Variants in DAGLA observed in about 807,000 individuals in gnomAD.
The protein encoded by DAGLA is diacylglycerol lipase-alpha.
A neutral mutation model predicts 102.6 loss-of-function variants in DAGLA; 22 were observed. That is an observed-to-expected ratio of 0.21 (90% CI 0.15 to 0.31). DAGLA has a LOEUF of 0.31. DAGLA is among the 10% of genes least tolerant of loss of function. The pLI is 1.00. For synonymous variants in DAGLA, 578 were observed against 628.9 expected, an observed-to-expected ratio of 0.92 and a Z score of 1.21; for missense variants, 927 against 1,446.6, an observed-to-expected ratio of 0.64 and a Z score of 5.83.
Position 61,737,697 on chromosome 11 carries a change from A to G in DAGLA, c.1525A>G (p.Met509Val). The G allele has an allele frequency of 6.2e-7, 1 of 1,613,920 alleles. No individual in the cohort carries two copies. Among genetic ancestry groups the G allele is most frequent in the Non-Finnish European group, 8.5e-7 (1 of 1,179,904 alleles). Residue 509 changes from methionine to valine, a missense_variant, in exon 15 of 20, where the codon ATG becomes GTG. Met to Val is a conservative substitution (Grantham distance 21). Around this residue, in one of 4 missense-constraint regions of DAGLA, gnomAD observed 218 missense variants for 459.6 expected, o/e 0.47. Transcript: ENST00000257215. ...PPGGLLSEDA[M>V]EYSKEFVTAV... ...CGGCTTCCCTTGCAGTGAGGATGCG[A>G]TGGAGTATTCCAAGGAGTTCGTGAC...
At chr11:61,729,975 A>AG (rs960665823) in intron 8 of DAGLA, among the ~76,000 whole-genome samples, 1 of 151,290 alleles carries the variant, frequency 6.6e-6, no homozygotes, top group African/African-American at 2.4e-5. Flanking sequence ...TGGGAGGCTG[A>AG]GGTAGGAGGA....
chr11:61,708,615 C>T (rs1054277327), intron 1 of DAGLA, among the ~76,000 whole-genome samples: 3 of 150,994 alleles, frequency 2.0e-5, no homozygotes, highest in Admixed American at 2.0e-4. Flanking sequence ...GATCTCCTGA[C>T]GTCGTGATCC....
chr11:61,728,138 T>A lies in DAGLA; in HGVS notation c.637-15T>A. Reference sequence around the variant, plus strand: ...GCTCCCCTGCCACTGCCTCCTGCCTTCCTGGACCTCGTAGGATGCCTACTC... The same window carrying A: ...GCTCCCCTGCCACTGCCTCCTGCCTACCTGGACCTCGTAGGATGCCTACTC... On this transcript the variant is annotated splice_polypyrimidine_tract_variant and intron_variant, in intron 6 of 19. Transcript: ENST00000257215. 6.2e-7 allele frequency: 1 copy of A among 1,613,742 alleles called. No homozygotes were observed.
At chr11:61,702,720 G>A (rs977653341) in intron 1 of DAGLA, among the ~76,000 whole-genome samples, 18 of 152,192 alleles carry the variant, frequency 1.2e-4, no homozygotes, top group Admixed American at 3.3e-4. Flanking sequence ...CTGGAGGTGC[G>A]CCCTCCCTCC....
chr11:61,737,606 G>A, intron 14 of DAGLA, 81 bp from the exon 15 acceptor site: 1 of 1,364,960 alleles, frequency 7.3e-7, no homozygotes, highest in Non-Finnish European at 1.0e-6. Context: ...AGCAGGGCTT[G>A]CTTGTGGCTG....
intron 1 of DAGLA, among the ~76,000 whole-genome samples, chr11:61,709,854 T>C (rs1216020865): frequency 2.0e-5 from 3 of 152,002 alleles, no homozygotes; most frequent in Non-Finnish European, 4.4e-5. Context: ...GGAAACCCAA[T>C]AGCCCAGTTG....
intron 1 of DAGLA, among the ~76,000 whole-genome samples, chr11:61,689,705 C>T (rs1435791233): frequency 2.0e-5 from 3 of 152,132 alleles, no homozygotes; most frequent in East Asian, 1.9e-4. Context: ...AGGGTTTCAC[C>T]GTGTTAGCCA....
In DAGLA at chr11:61,744,152, A is replaced by G. The variant is rs2065513215; in HGVS notation, c.2792A>G (p.Gln931Arg). ...FNLDSKSSSF[Q>R]DLYCMVVPES... ...CTGGACAGCAAGAGCAGCTCCTTCC[A>G]AGACCTCTACTGCATGGTGGTGCCC... Residue 931 changes from glutamine to arginine, a missense_variant, in exon 20 of 20, where the codon CAA (glutamine) becomes CGA (arginine). By Grantham distance (43) the Gln-to-Arg change is conservative (BLOSUM62 1). Coordinates refer to ENST00000257215, the MANE Select transcript of DAGLA (RefSeq NM_006133.3). 1 of 1,613,018 alleles carries G rather than the reference A, an allele frequency of 6.2e-7. No individual in the cohort carries two copies.
intron 18 of DAGLA, 128 bp downstream of exon 18, chr11:61,740,720 G>T: frequency 7.8e-7 from 1 of 1,274,964 alleles, no homozygotes; most frequent in Non-Finnish European, 1.1e-6. Context: ...GAAGTAGGTA[G>T]CTGGGCCAGA....
Position 61,734,558 on chromosome 11 carries a change from C to T in DAGLA, c.975-291C>T, listed in dbSNP as rs776664146. Among the ~76,000 whole-genome samples the T allele has an allele frequency of 3.9e-5, 6 of 152,082 alleles. No individual in the cohort carries two copies. The highest frequency in any genetic ancestry group is 2.1e-4 in the South Asian group (1 of 4,822). ...CCCAGGGCTTCAGTGTTGGGTGCAT[C>T]GCTGAGTAGGCCCTGCCCGGAGGGG... is the stretch of plus-strand genomic sequence containing the variant. On this transcript the variant is annotated intron_variant, in intron 9 of 19. Coordinates refer to ENST00000257215, the MANE Select transcript of DAGLA (RefSeq NM_006133.3). This position sits in a 1 kb window ranked among gnomAD's most constrained non-coding sequence, Gnocchi z 4.2.
rs117022401 is a variant in DAGLA, at chr11:61,725,148, C to G, written c.549-847C>G. ...GGCTTTTAAGGGGCCGCACATGGCACAAAAGCAAGCTAGCCCCTTCTTGCT... is the reference window on the plus strand; with the variant it reads ...GGCTTTTAAGGGGCCGCACATGGCAGAAAAGCAAGCTAGCCCCTTCTTGCT... On this transcript the variant is annotated intron_variant, in intron 5 of 19. Coordinates refer to ENST00000257215, the MANE Select transcript of DAGLA (RefSeq NM_006133.3). Among the ~76,000 whole-genome samples, 512 of 152,290 alleles carry G rather than the reference C, an allele frequency of 3.4e-3. 4 individuals carry two copies. The highest frequency in any genetic ancestry group is 4.9e-3 in the Non-Finnish European group (331 of 68,020).
At position 61,728,943 on chromosome 11, in the gene DAGLA, A is replaced by T. The variant is rs1350245486; in HGVS notation, c.784A>T (p.Ile262Phe). Residue 262 changes from isoleucine (I) to phenylalanine (F), a missense_variant, in exon 8 of 20, where the codon ATC becomes TTC. Physicochemically the swap from Ile to Phe is conservative, Grantham distance 21. Coordinates refer to ENST00000257215, the MANE Select transcript of DAGLA (RefSeq NM_006133.3). ...NAVLDEANND[I>F]LAFLSGMPVT... ...GCCGGTCTTACAGGCAAACAATGAC[A>T]TCTTGGCCTTCCTGTCTGGGATGCC... 1.2e-6 allele frequency: 2 copies of T among 1,614,166 alleles called. No individual in the cohort carries two copies. The highest frequency in any genetic ancestry group is 3.3e-5 in the Admixed American group (2 of 60,028).
Position 61,726,052 on chromosome 11 carries a change from C to A in DAGLA, c.606C>A (p.Leu202=). Residue 202 remains leucine (L), a synonymous_variant, in exon 6 of 20, where the codon CTC becomes CTA. Transcript: ENST00000257215. The part of the protein sequence containing the change: ...TSWSRRLKVF[L]CCTRTKDSQS... Reference sequence around the variant, plus strand: ...GGTCGCGCCGGCTCAAAGTGTTCCTCTGCTGCACGCGGACGAAGGACTCCC... The same window carrying A: ...GGTCGCGCCGGCTCAAAGTGTTCCTATGCTGCACGCGGACGAAGGACTCCC... The A allele has an allele frequency of 1.9e-6, 3 of 1,613,188 alleles. No individual in the cohort carries two copies. The highest frequency in any genetic ancestry group is 2.5e-6 in the Non-Finnish European group (3 of 1,180,038).
intron 1 of DAGLA, among the ~76,000 whole-genome samples, chr11:61,698,609 G>T (rs2065085276): frequency 6.6e-6 from 1 of 152,174 alleles, no homozygotes; most frequent in African/African-American, 2.4e-5. Flanking sequence ...CTCTTACCCT[G>T]CTTCCCACAT....
intron 1 of DAGLA, among the ~76,000 whole-genome samples, chr11:61,704,452 C>G (rs555947941): frequency 2.0e-5 from 3 of 152,124 alleles, no homozygotes; most frequent in Non-Finnish European, 2.9e-5. Flanking sequence ...CCAGCTCTTA[C>G]GCAGAAAGGC....
rs2065408968 is a variant in DAGLA at position 61,734,787 on chromosome 11, C to CAGG, written c.975-59_975-57dup. On this transcript the variant is annotated intron_variant, in intron 9 of 19. Transcript: ENST00000257215. This position sits in a 1 kb window ranked among gnomAD's most constrained non-coding sequence, Gnocchi z 4.2. ...CTGGAACTGGTTCCAGGGACAGTGG[C>CAGG]AGGAGACATTTGTTCCCTCGGGGAC... 1.3e-6 allele frequency: 2 copies of CAGG among 1,508,994 alleles called. No homozygotes were observed. The highest frequency in any genetic ancestry group is 1.8e-6 in the Non-Finnish European group (2 of 1,100,914). The allele number at this position is 1,508,994 out of a possible 1,614,324, so 93.5% of individuals were successfully genotyped here. A position where few individuals can be genotyped will look rare whatever the true frequency, so the allele number is the denominator to read the frequency against.
intron 1 of DAGLA, among the ~76,000 whole-genome samples, chr11:61,700,773 A>G (rs933752965): frequency 6.6e-6 from 1 of 152,118 alleles, no homozygotes; most frequent in Non-Finnish European, 1.5e-5. Context: ...GAGCTGGCCC[A>G]GCATACCCAC....
rs1565257679 is a variant in DAGLA at position 61,722,945 on chromosome 11, A to G, written c.394A>G (p.Lys132Glu). The G allele has an allele frequency of 6.2e-7, 1 of 1,613,874 alleles. No individual in the cohort carries two copies. The highest frequency in any genetic ancestry group is 8.5e-7 in the Non-Finnish European group (1 of 1,179,880). The change falls in exon 4 of 20, where the codon AAG becomes GAG. Residue 132 changes from lysine (K) to glutamate (E), a missense_variant. Physicochemically the swap from Lys to Glu is moderately conservative, Grantham distance 56. Coordinates refer to ENST00000257215, the MANE Select transcript of DAGLA (RefSeq NM_006133.3). ...YYTSCNDLTA[K>E]NVTLGMVVCN... ...CACCTCCTGCAACGACCTCACTGCCAAGAATGTCACCCTCGGTACGTCTGG... is the reference window on the plus strand; with the variant it reads ...CACCTCCTGCAACGACCTCACTGCCGAGAATGTCACCCTCGGTACGTCTGG...
chr11:61,712,512 C>T (rs1412479679), intron 1 of DAGLA, among the ~76,000 whole-genome samples: 1 of 152,238 alleles, frequency 6.6e-6, no homozygotes, highest in Admixed American at 6.5e-5. Context: ...GTTTTCATCC[C>T]TAGGCCTGGG....
Sources: gnomAD v4.1 joint callset for allele counts (sites outside exome capture counted in the v4.1 genomes callset) on GRCh38, gnomAD v4.1.1 for gene constraint, gnomAD v4.1.1 regional missense constraint, Gnocchi (gnomAD v3.1) non-coding constraint, MANE v1.5 for transcripts, NCBI Gene and HGNC (gene_info 2026-07-23, HGNC 2026-07-21) for gene names.